The following WDPCP variants were observed in gnomAD, a reference collection of about 807,000 sequenced individuals.
WDPCP encodes WD repeat containing planar cell polarity effector.
Under a neutral mutation model 93.1 loss-of-function variants are expected in WDPCP, and 71 were observed. The observed-to-expected ratio is 0.76, with a 90% CI of 0.63 to 0.93. WDPCP has a LOEUF of 0.93. Ranked by LOEUF, WDPCP falls within the 40% of genes least tolerant of loss-of-function variation. The pLI is 0.00. For missense variants in WDPCP, 844 were observed against 887.4 expected (o/e 0.95, Z 0.62); for synonymous variants, 315 against 315.0 (o/e 1.00, Z 0.00).
At chr2:63,449,644 A>T (rs563569887) in intron 6 of WDPCP, among the ~76,000 whole-genome samples, 4 of 152,228 alleles carry the variant, frequency 2.6e-5, no homozygotes, top group African/African-American at 9.6e-5. Flanking sequence ...TCCTCTACCC[A>T]CACAAACCCC....
At chr2:63,778,564 G>A (rs987864051) in intron 2 of WDPCP, among the ~76,000 whole-genome samples, 5 of 152,002 alleles carry the variant, frequency 3.3e-5, no homozygotes, top group African/African-American at 1.2e-4. Flanking sequence ...AAAATGTCTC[G>A]ACCTCTGAGA....
At chr2:63,647,386 G>C (rs563915975) in intron 3 of WDPCP, among the ~76,000 whole-genome samples, 1 of 152,124 alleles carries the variant, frequency 6.6e-6, no homozygotes, top group East Asian at 1.9e-4. Context: ...CACCTGCCTC[G>C]GCCTCCCAAA....
intron 10 of WDPCP, among the ~76,000 whole-genome samples, chr2:63,395,788 C>T (rs928232392): frequency 1.3e-5 from 2 of 152,046 alleles, no homozygotes; most frequent in African/African-American, 4.8e-5. Flanking sequence ...AGTGCAATGG[C>T]GCGATTTCGG....
chr2:63,323,419 GGGA>G (rs1301229103), intron 12 of WDPCP, among the ~76,000 whole-genome samples: 1 of 152,138 alleles, frequency 6.6e-6, no homozygotes, highest in African/African-American at 2.4e-5. Flanking sequence ...CATCGTAGGG[GGGA>G]CTATCTGGAA....
intron 12 of WDPCP, among the ~76,000 whole-genome samples, chr2:63,337,660 C>T (rs779608653): frequency 1.3e-5 from 2 of 152,178 alleles, no homozygotes; most frequent in African/African-American, 4.8e-5. Context: ...ACAATCTCAC[C>T]AGCATCTGTT....
At chr2:63,688,523 G>T (rs371129719) in intron 2 of WDPCP, among the ~76,000 whole-genome samples, 2 of 151,730 alleles carry the variant, frequency 1.3e-5, no homozygotes, top group Non-Finnish European at 2.9e-5. Flanking sequence ...GTTGGGGAGA[G>T]AAATAGTTAG....
At chr2:63,167,682 AG>A (rs1311703663) in intron 15 of WDPCP, among the ~76,000 whole-genome samples, 1 of 152,212 alleles carries the variant, frequency 6.6e-6, no homozygotes, top group Non-Finnish European at 1.5e-5. Context: ...TTTTGTAAAT[AG>A]TCCATGAATT....
At chr2:63,364,929 CAAGT>C (rs1177270348) in intron 12 of WDPCP, among the ~76,000 whole-genome samples, 7 of 152,150 alleles carry the variant, frequency 4.6e-5, no homozygotes, top group African/African-American at 1.7e-4. Flanking sequence ...AACCCTATCA[CAAGT>C]AAACCCTGCC....
chr2:63,524,882 T>G (rs774424497), intron 1 of WDPCP, among the ~76,000 whole-genome samples: 1 of 152,030 alleles, frequency 6.6e-6, no homozygotes, highest in Admixed American at 6.6e-5. Flanking sequence ...AACCTAGCAA[T>G]CACACAATTT....
At chr2:63,672,522 CATTTT>C (rs1322437532) in intron 2 of WDPCP, among the ~76,000 whole-genome samples, 1 of 152,000 alleles carries the variant, frequency 6.6e-6, no homozygotes, top group Non-Finnish European at 1.5e-5. Flanking sequence ...AACAAGAAGA[CATTTT>C]ATTTTCTTGA....
At chr2:63,133,612 G>C (rs995871933) in intron 17 of WDPCP, among the ~76,000 whole-genome samples, 46 of 152,234 alleles carry the variant, frequency 3.0e-4, no homozygotes, top group Admixed American at 3.0e-3. Flanking sequence ...TTTTATAAGC[G>C]TCTGGCATTT....
rs191280649 is a variant in WDPCP at position 63,535,895 on chromosome 2, C to G, written c.76-42955G>C. 7.5e-4 allele frequency among the ~76,000 whole-genome samples: 114 copies of G among 152,204 alleles called. No homozygotes were observed. The East Asian group carries it at 0.013, about 17-fold the overall frequency. On this transcript the variant is annotated intron_variant, in intron 1 of 17. Transcript: ENST00000272321. ...ATTAAACTAAAGAGCTTCTGCACAGCAAAAGAAACTACCAGCAGAGTGAAC... is the reference window on the plus strand; with the variant it reads ...ATTAAACTAAAGAGCTTCTGCACAGGAAAAGAAACTACCAGCAGAGTGAAC...
At chr2:63,140,839 C>G (rs1381995417) in intron 17 of WDPCP, among the ~76,000 whole-genome samples, 1 of 152,114 alleles carries the variant, frequency 6.6e-6, no homozygotes, top group Non-Finnish European at 1.5e-5. Context: ...GCTAGGACTT[C>G]CAGTACTATG....
chr2:63,137,853 T>C (rs1670739522), intron 17 of WDPCP, among the ~76,000 whole-genome samples: 1 of 152,188 alleles, frequency 6.6e-6, no homozygotes, highest in Non-Finnish European at 1.5e-5. Flanking sequence ...TTTTTGAAGA[T>C]CAGATAGTTG....
rs569716306 is a variant in WDPCP at position 63,322,032 on chromosome 2, G to A, written c.1749-8721C>T. The stretch of plus-strand genomic sequence containing the variant: ...GAGAGGTGAAGCCAGCTGGGTTTCT[G>A]GGTTGGGTGGGGACTTGGAGAACTT... On this transcript the variant is annotated intron_variant, in intron 12 of 17. Transcript: ENST00000272321. Among the ~76,000 whole-genome samples, 17 of 152,314 alleles carry A rather than the reference G, an allele frequency of 1.1e-4. 1 individual carries two copies. Among genetic ancestry groups the A allele is most frequent in the African/African-American group, 4.1e-4 (17 of 41,578 alleles).
rs1294511260 is a variant in WDPCP, at chr2:63,373,596, AC to A, written c.1748+4789del. 2.0e-5 allele frequency among the ~76,000 whole-genome samples: 3 copies of A among 151,492 alleles called. No individual in the cohort carries two copies. The East Asian group carries it at 5.8e-4, about 29-fold the overall frequency. The stretch of plus-strand genomic sequence containing the variant: ...AGATGTCTTTAAAAAAAAAAAAAAA[AC>A]TGAGGAAAAAAATCTGTTTTACATT... On this transcript the variant is annotated intron_variant, in intron 12 of 17. Coordinates refer to ENST00000272321, the MANE Select transcript of WDPCP (RefSeq NM_015910.7).
intron 2 of WDPCP, among the ~76,000 whole-genome samples, chr2:63,673,266 G>A (rs1326795899): frequency 6.6e-6 from 1 of 152,144 alleles, no homozygotes; most frequent in Admixed American, 6.5e-5. Flanking sequence ...AGAGGCCAAG[G>A]TGGGATTAGA....
intron 14 of WDPCP, among the ~76,000 whole-genome samples, chr2:63,182,011 A>G (rs754099021): frequency 3.3e-5 from 5 of 152,046 alleles, no homozygotes; most frequent in African/African-American, 7.2e-5. Context: ...TTGTACACCA[A>G]TTTCATATTC....
At chr2:63,709,557 C>G (rs967987280) in intron 2 of WDPCP, among the ~76,000 whole-genome samples, 8 of 152,182 alleles carry the variant, frequency 5.3e-5, no homozygotes, top group Non-Finnish European at 8.8e-5. Flanking sequence ...ACCCCAAGGC[C>G]TGCTATGAAT....
Sources: gnomAD v4.1 joint callset for allele counts (sites outside exome capture counted in the v4.1 genomes callset) on GRCh38, gnomAD v4.1.1 for gene constraint, MANE v1.5 for transcripts, NCBI Gene and HGNC (gene_info 2026-07-23, HGNC 2026-07-21) for gene names.